The following FRMPD4 variants were observed in gnomAD, a reference collection of about 807,000 sequenced individuals.
FRMPD4 encodes the protein FERM and PDZ domain containing 4.
Under a neutral mutation model 94.1 loss-of-function variants are expected in FRMPD4, and 22 were observed. The observed-to-expected ratio is 0.23, with a 90% CI of 0.17 to 0.33. The LOEUF (loss-of-function observed/expected upper bound fraction) is 0.33. Ranked by LOEUF, FRMPD4 falls within the 10% of genes least tolerant of loss-of-function variation. FRMPD4 has a pLI of 1.00. For synonymous variants in FRMPD4, 631 were observed against 548.6 expected (o/e 1.15, Z -2.10); for missense variants, 1,111 against 1,339.9 (o/e 0.83, Z 2.67).
intron 1 of FRMPD4, among the ~76,000 whole-genome samples, chrX:12,163,344 G>C (rs2056055284): frequency 9.3e-6 from 1 of 107,734 alleles, no homozygotes; most frequent in Admixed American, 9.8e-5. Flanking sequence ...CCTGCTTTGG[G>C]GGTTTTGTTT....
chrX:11,883,000 A>G (rs887321483), intron 3 of FRMPD4, among the ~76,000 whole-genome samples: 13 of 111,754 alleles, frequency 1.2e-4, no homozygotes, highest in Admixed American at 9.5e-4. Flanking sequence ...TTCATCCATT[A>G]TTAAATTCAT....
intron 4 of FRMPD4, among the ~76,000 whole-genome samples, chrX:12,618,487 G>C (rs1200483888): frequency 5.4e-5 from 6 of 111,475 alleles, no homozygotes; most frequent in Admixed American, 9.6e-5. Flanking sequence ...GAGATGGATG[G>C]TGTATTAAGG....
intron 1 of FRMPD4, among the ~76,000 whole-genome samples, chrX:12,193,990 G>A (rs953666681): frequency 9.2e-6 from 1 of 108,618 alleles, no homozygotes; most frequent in East Asian, 2.9e-4. Flanking sequence ...AGTTCTCTTT[G>A]AAACAGACAT....
At chrX:12,038,501 C>T (rs2054732343) in intron 3 of FRMPD4, among the ~76,000 whole-genome samples, 1 of 112,037 alleles carries the variant, frequency 8.9e-6, no homozygotes, top group African/African-American at 3.2e-5. Context: ...GCTTTCTTTA[C>T]AGTGTCTATT....
chrX:12,437,723 C>A (rs1429890536), intron 1 of FRMPD4, among the ~76,000 whole-genome samples: 1 of 112,059 alleles, frequency 8.9e-6, no homozygotes, highest in Admixed American at 9.5e-5. Context: ...AATCTGCCTT[C>A]GTCTCTTTTC....
intron 1 of FRMPD4, among the ~76,000 whole-genome samples, chrX:12,431,143 T>C: frequency 8.9e-6 from 1 of 112,840 alleles, no homozygotes; most frequent in Admixed American, 9.3e-5. Context: ...TCAAGCAATT[T>C]GGGGGGCTTT....
At chrX:11,984,818 A>G (rs2054418349) in intron 3 of FRMPD4, among the ~76,000 whole-genome samples, 1 of 112,512 alleles carries the variant, frequency 8.9e-6, no homozygotes. Flanking sequence ...TACCCAGAAT[A>G]TAAAAAATAC....
Position 12,718,685 on chromosome X carries a change from C to A in FRMPD4, c.3859C>A (p.Pro1287Thr). The A allele has an allele frequency of 8.3e-7, 1 of 1,207,554 alleles. No individual in the cohort carries two copies. Among genetic ancestry groups the A allele is most frequent in the Non-Finnish European group, 1.1e-6 (1 of 891,667 alleles). The change falls in exon 16 of 17, where the codon CCA (proline) becomes ACA (threonine). Residue 1287 changes from proline to threonine, a missense_variant. Transcript: ENST00000675598. ...ELHPQTEGMC[P>T]RMTVPALHTA... ...GCACCCACAGACAGAAGGGATGTGT[C>A]CACGGATGACAGTGCCTGCTCTGCA...
At chrX:12,537,177 G>A (rs775505168) in intron 2 of FRMPD4, among the ~76,000 whole-genome samples, 1 of 111,427 alleles carries the variant, frequency 9.0e-6, no homozygotes, top group African/African-American at 3.3e-5. Flanking sequence ...AAGTCTTTGT[G>A]TGTCTAAAGC....
intron 1 of FRMPD4, among the ~76,000 whole-genome samples, chrX:12,366,187 G>C (rs1204161295): frequency 8.9e-6 from 1 of 112,171 alleles, no homozygotes; most frequent in Non-Finnish European, 1.9e-5. Context: ...GGCCAAGAAA[G>C]TGCGAGGTCA....
At chrX:11,853,723 G>T (rs1370736237) in intron 1 of FRMPD4, among the ~76,000 whole-genome samples, 1 of 111,818 alleles carries the variant, frequency 8.9e-6, no homozygotes, top group African/African-American at 3.2e-5. Flanking sequence ...TTCTGAAATT[G>T]AAGTAGTAAT....
chrX:11,951,840 C>T (rs1221746854), intron 3 of FRMPD4, among the ~76,000 whole-genome samples: 1 of 111,372 alleles, frequency 9.0e-6, no homozygotes, highest in East Asian at 2.8e-4. Flanking sequence ...TCAAGACCAG[C>T]CTGGGCAACA....
intron 3 of FRMPD4, among the ~76,000 whole-genome samples, chrX:11,922,015 A>G (rs913135105): frequency 7.1e-5 from 8 of 112,004 alleles, no homozygotes; most frequent in Non-Finnish European, 7.5e-5. Flanking sequence ...ATTTTAGTGG[A>G]CAGGCCTAGA....
chrX:12,680,612 T>A (rs1370655285), intron 5 of FRMPD4, among the ~76,000 whole-genome samples: 1 of 112,194 alleles, frequency 8.9e-6, no homozygotes, highest in Non-Finnish European at 1.9e-5. Context: ...AAAAAAGTAC[T>A]TGTTATGAAT....
chrX:12,531,782 A>T (rs770219334), intron 2 of FRMPD4, among the ~76,000 whole-genome samples: 8 of 111,068 alleles, frequency 7.2e-5, no homozygotes, highest in Non-Finnish European at 1.3e-4. Flanking sequence ...TAATGCCTCC[A>T]TTTGCTCCAA....
chrX:12,169,648 A>G (rs1402774322), intron 1 of FRMPD4, among the ~76,000 whole-genome samples: 1 of 112,322 alleles, frequency 8.9e-6, no homozygotes, highest in Non-Finnish European at 1.9e-5. Context: ...GGTCTAAACT[A>G]TTAATATTTA....
At chrX:12,442,298 T>C (rs2057146974) in intron 1 of FRMPD4, among the ~76,000 whole-genome samples, 3 of 111,619 alleles carry the variant, frequency 2.7e-5, no homozygotes, top group Admixed American at 1.9e-4. Context: ...TCCAGTCTGC[T>C]ATACAAATAT....
intron 3 of FRMPD4, among the ~76,000 whole-genome samples, chrX:11,956,002 A>AG (rs1242775342): frequency 2.7e-5 from 3 of 111,956 alleles, no homozygotes; most frequent in African/African-American, 9.7e-5. Context: ...AGGACCAGTA[A>AG]GGGGTCATGA....
At chrX:11,845,291 G>C (rs1221706371) in intron 1 of FRMPD4, among the ~76,000 whole-genome samples, 2 of 111,807 alleles carry the variant, frequency 1.8e-5, no homozygotes, top group Non-Finnish European at 3.8e-5. Context: ...TGACAGAAAG[G>C]TGAACAGGAA....
Sources: gnomAD v4.1 joint callset for allele counts (sites outside exome capture counted in the v4.1 genomes callset) on GRCh38, gnomAD v4.1.1 for gene constraint, MANE v1.5 for transcripts, NCBI Gene and HGNC (gene_info 2026-07-23, HGNC 2026-07-21) for gene names.